BRINP3: variants seen among roughly 807,000 people sequenced by gnomAD.
BRINP3 encodes BMP/retinoic acid inducible neural specific 3.
Under a neutral mutation model 71.0 loss-of-function variants are expected in BRINP3, and 19 were observed. That is an observed-to-expected ratio of 0.27 (90% CI 0.19 to 0.39). The LOEUF (loss-of-function observed/expected upper bound fraction) is 0.39, where lower values mean the gene tolerates loss of function less well. Among genes scored for constraint, BRINP3 ranks in the 10% least tolerant of loss-of-function variants. The pLI is 1.00. For synonymous variants in BRINP3, 380 were observed against 337.7 expected, an observed-to-expected ratio of 1.13 and a Z score of -1.37; for missense variants, 959 against 940.8, an observed-to-expected ratio of 1.02 and a Z score of -0.25.
At chr1:190,416,293 AT>A (rs746424604) in intron 2 of BRINP3, among the ~76,000 whole-genome samples, 1 of 152,080 alleles carries the variant, frequency 6.6e-6, no homozygotes, top group Non-Finnish European at 1.5e-5. Context: ...CTTTTTCTAT[AT>A]TTTTAAGTTG....
intron 2 of BRINP3, among the ~76,000 whole-genome samples, chr1:190,438,399 A>G (rs1039450089): frequency 7.9e-5 from 12 of 151,832 alleles, no homozygotes; most frequent in African/African-American, 2.6e-4. Flanking sequence ...ACTTCTCTCG[A>G]TATATGTAAA....
intron 7 of BRINP3, among the ~76,000 whole-genome samples, chr1:190,103,973 G>C (rs1435110983): frequency 6.7e-6 from 1 of 149,962 alleles, no homozygotes; most frequent in Non-Finnish European, 1.5e-5. Flanking sequence ...TTTAAAATTT[G>C]AATACAATTG....
At chr1:190,184,859 A>C (rs1653371214) in intron 6 of BRINP3, among the ~76,000 whole-genome samples, 1 of 152,128 alleles carries the variant, frequency 6.6e-6, no homozygotes, top group African/African-American at 2.4e-5. Flanking sequence ...CCATGCAACA[A>C]ACCTGCACAT....
chr1:190,187,577 A>C (rs1370799659), intron 6 of BRINP3, among the ~76,000 whole-genome samples: 1 of 152,008 alleles, frequency 6.6e-6, no homozygotes, highest in Non-Finnish European at 1.5e-5. Context: ...AAAATTTTCT[A>C]ATTTTATTCT....
chr1:190,218,381 A>G (rs778923510), intron 6 of BRINP3, among the ~76,000 whole-genome samples: 1 of 152,202 alleles, frequency 6.6e-6, no homozygotes, highest in East Asian at 1.9e-4. Flanking sequence ...TTCAAGCTTT[A>G]TACAATTCCA....
At chr1:190,120,424 A>G (rs1653540026) in intron 7 of BRINP3, among the ~76,000 whole-genome samples, 1 of 152,280 alleles carries the variant, frequency 6.6e-6, no homozygotes, top group African/African-American at 2.4e-5. Flanking sequence ...TCATATAACT[A>G]CTGTTTTCTT....
chr1:190,160,873 T>C lies in BRINP3; in HGVS notation c.979A>G (p.Met327Val). Reference sequence around the variant, plus strand: ...AAATAATTCATAGGTAGCCTTTTCATAAATAACTTGAATTCATCTGAAAAA... The same window carrying C: ...AAATAATTCATAGGTAGCCTTTTCACAAATAACTTGAATTCATCTGAAAAA... Reference protein sequence around the residue: ...FEESDEFKLFMKRLPMNYFLN... With the variant: ...FEESDEFKLFVKRLPMNYFLN... Residue 327 changes from methionine to valine, a missense_variant, in exon 7 of 8, where the codon ATG (methionine) becomes GTG (valine). By Grantham distance (21) the Met-to-Val change is conservative. Coordinates refer to ENST00000367462, the MANE Select transcript of BRINP3 (RefSeq NM_199051.3). 6.2e-7 allele frequency: 1 copy of C among 1,601,580 alleles called. No individual in the cohort carries two copies. Among genetic ancestry groups the C allele is most frequent in the Middle Eastern group, 1.7e-4 (1 of 5,820 alleles).
chr1:190,272,050 A>T (rs1662153974), intron 3 of BRINP3, among the ~76,000 whole-genome samples: 1 of 151,530 alleles, frequency 6.6e-6, no homozygotes, highest in Admixed American at 6.6e-5. Context: ...TGATGGTCTA[A>T]CATCATCATC....
intron 2 of BRINP3, among the ~76,000 whole-genome samples, chr1:190,417,526 C>T (rs1395391298): frequency 6.6e-6 from 1 of 151,802 alleles, no homozygotes; most frequent in Non-Finnish European, 1.5e-5. Context: ...TAATACTTCC[C>T]AGGAAGTTAT....
intron 2 of BRINP3, among the ~76,000 whole-genome samples, chr1:190,436,619 T>C: frequency 6.6e-6 from 1 of 152,028 alleles, no homozygotes; most frequent in Non-Finnish European, 1.5e-5. Context: ...TGATCTTAAA[T>C]AAAATGTCTA....
At chr1:190,271,972 T>C (rs1662148333) in intron 3 of BRINP3, among the ~76,000 whole-genome samples, 2 of 151,568 alleles carry the variant, frequency 1.3e-5, no homozygotes, top group Non-Finnish European at 3.0e-5. Flanking sequence ...ATAGTCCTTA[T>C]TGTAAGGACA....
At chr1:190,194,997 A>G (rs1322278892) in intron 6 of BRINP3, among the ~76,000 whole-genome samples, 2 of 152,084 alleles carry the variant, frequency 1.3e-5, no homozygotes, top group African/African-American at 2.4e-5. Context: ...AGAAAAAAGA[A>G]TTATTTCCTT....
intron 2 of BRINP3, among the ~76,000 whole-genome samples, chr1:190,366,998 G>A (rs894894546): frequency 2.6e-5 from 4 of 152,086 alleles, no homozygotes; most frequent in Admixed American, 2.0e-4. Context: ...ACAGGTACAC[G>A]GTGCAAGCTG....
At chr1:190,230,325 T>C (rs1657847136) in intron 5 of BRINP3, among the ~76,000 whole-genome samples, 1 of 152,064 alleles carries the variant, frequency 6.6e-6, no homozygotes, top group African/African-American at 2.4e-5. Flanking sequence ...CATATCACCA[T>C]ATGTTATGGC....
At chr1:190,359,822 T>C (rs965849853) in intron 2 of BRINP3, among the ~76,000 whole-genome samples, 20 of 152,136 alleles carry the variant, frequency 1.3e-4, no homozygotes, top group Non-Finnish European at 2.2e-4. Flanking sequence ...AGTGAGTTCT[T>C]TGAATTATTT....
At chr1:190,164,653 T>C (rs2102472283) in intron 6 of BRINP3, among the ~76,000 whole-genome samples, 1 of 152,280 alleles carries the variant, frequency 6.6e-6, no homozygotes, top group Non-Finnish European at 1.5e-5. Context: ...TAGGGTGGCA[T>C]GATCATAGCT....
intron 7 of BRINP3, among the ~76,000 whole-genome samples, chr1:190,103,696 T>C (rs1354501582): frequency 6.6e-6 from 1 of 152,082 alleles, no homozygotes; most frequent in Non-Finnish European, 1.5e-5. Flanking sequence ...TTGAAAGTTC[T>C]GTAGAGAAGA....
In BRINP3 at chr1:190,191,645, C is replaced by T. The variant is rs528499756; in HGVS notation, c.962-30755G>A. Among the ~76,000 whole-genome samples, 7 of 151,792 alleles carry T rather than the reference C, an allele frequency of 4.6e-5. No individual in the cohort carries two copies. The East Asian group carries it at 1.4e-3, about 29-fold the overall frequency. On this transcript the variant is annotated intron_variant, in intron 6 of 7. Transcript: ENST00000367462. ...GTATATGTGCCACATTTTTTTTTAT[C>T]CAGTCTGTCACTGATGGGCATTTGG...
intron 4 of BRINP3, among the ~76,000 whole-genome samples, chr1:190,262,460 T>C (rs1661268457): frequency 6.6e-6 from 1 of 152,178 alleles, no homozygotes; most frequent in African/African-American, 2.4e-5. Context: ...TCTTATTTCC[T>C]TTTTTCCTTA....
Sources: gnomAD v4.1 joint callset for allele counts (sites outside exome capture counted in the v4.1 genomes callset) on GRCh38, gnomAD v4.1.1 for gene constraint, MANE v1.5 for transcripts, NCBI Gene and HGNC (gene_info 2026-07-23, HGNC 2026-07-21) for gene names.